The following INSR variants were observed in gnomAD, a reference collection of about 807,000 sequenced individuals.
INSR encodes IR.
In INSR, 67 loss-of-function variants were observed where a neutral mutation model predicts 142.6. That is an observed-to-expected ratio of 0.47 (90% CI 0.39 to 0.58). The LOEUF (loss-of-function observed/expected upper bound fraction) is 0.58. Ranked by LOEUF, INSR falls within the 20% of genes least tolerant of loss-of-function variation. The pLI, the probability that INSR is intolerant of heterozygous loss-of-function variation, is 0.00. For synonymous variants in INSR, 756 were observed against 743.1 expected (o/e 1.02, Z -0.28); for missense variants, 1,248 against 1,833.2 (o/e 0.68, Z 5.83).
rs569781792 is a variant in INSR, at chr19:7,264,903, C to T, written c.652+2442G>A. 2.0e-5 allele frequency among the ~76,000 whole-genome samples: 3 copies of T among 152,360 alleles called. No homozygotes were observed. In the South Asian group the frequency reaches 6.2e-4, roughly 32 times the overall value. On this transcript the variant is annotated intron_variant, in intron 2 of 21. Transcript: ENST00000302850. ...CCATCCAACATGTCCCATGGAAGGA[C>T]TCATGCTGGGGGCTCCAAGGGAGTC...
intron 20 of INSR, among the ~76,000 whole-genome samples, chr19:7,120,381 T>C (rs1972461976): frequency 6.6e-6 from 1 of 152,234 alleles, no homozygotes; most frequent in Admixed American, 6.5e-5. Flanking sequence ...GTCCTCAACC[T>C]TGGCAAAATA....
intron 9 of INSR, among the ~76,000 whole-genome samples, chr19:7,161,379 C>T (rs957737882): frequency 1.3e-5 from 2 of 151,912 alleles, no homozygotes; most frequent in Non-Finnish European, 2.9e-5. Context: ...CCCGCCTGGG[C>T]CTCCCAAGTA....
At chr19:7,133,307 G>A (rs985331052) in intron 13 of INSR, among the ~76,000 whole-genome samples, 2 of 152,060 alleles carry the variant, frequency 1.3e-5, no homozygotes, top group East Asian at 1.9e-4. Flanking sequence ...GTACACGTAT[G>A]GGGTACAGTG....
intron 1 of INSR, among the ~76,000 whole-genome samples, chr19:7,288,056 G>T (rs1202004259): frequency 6.6e-6 from 1 of 152,118 alleles, no homozygotes; most frequent in Admixed American, 6.6e-5. Context: ...GAAGAAGTCG[G>T]AATCTATGTA....
chr19:7,196,020 C>T (rs112169606), intron 2 of INSR, among the ~76,000 whole-genome samples: 21 of 151,842 alleles, frequency 1.4e-4, no homozygotes, highest in African/African-American at 4.1e-4. Flanking sequence ...ACTGCAACCT[C>T]TGCCTCCCAG....
At chr19:7,186,161 C>T (rs1178423023) in intron 2 of INSR, among the ~76,000 whole-genome samples, 1 of 152,124 alleles carries the variant, frequency 6.6e-6, no homozygotes, top group East Asian at 1.9e-4. Context: ...TGCCACTGCA[C>T]TCCAGCCTTG....
At position 7,167,972 on chromosome 19, in the gene INSR, C is replaced by T; in HGVS notation, c.1606G>A (p.Glu536Lys). The change falls in exon 7 of 22, where the codon GAG (glutamate) becomes AAG (lysine). Residue 536 changes from glutamate (E) to lysine (K), a missense_variant. Glu to Lys is a moderately conservative substitution (Grantham distance 56, BLOSUM62 1). Transcript: ENST00000302850. ...CTCTCTAACTCTTCTACTTACGCCT[C>T]TTTGTAGAACAGCATGAACCCCAAG... ...DLLGFMLFYK[E>K]APYQNVTEFD... 3 of 1,614,034 alleles carry T rather than the reference C, an allele frequency of 1.9e-6. No homozygotes were observed. Among genetic ancestry groups the T allele is most frequent in the Non-Finnish European group, 2.5e-6 (3 of 1,179,980 alleles).
intron 8 of INSR, among the ~76,000 whole-genome samples, chr19:7,165,687 G>A (rs1394242452): frequency 4.6e-5 from 7 of 151,724 alleles, no homozygotes; most frequent in South Asian, 2.1e-4. Flanking sequence ...ACACAGCAAC[G>A]TTCTGTCTCT....
chr19:7,215,433 C>T (rs544439165), intron 2 of INSR, among the ~76,000 whole-genome samples: 2 of 152,000 alleles, frequency 1.3e-5, no homozygotes, highest in East Asian at 3.9e-4. Flanking sequence ...ACCCCCTCCA[C>T]CCACTCAGTC....
At chr19:7,184,792 C>T (rs915664870) in intron 2 of INSR, among the ~76,000 whole-genome samples, 155 bp from the exon 3 acceptor site, 1 of 145,372 alleles carries the variant, frequency 6.9e-6, no homozygotes, top group Non-Finnish European at 1.5e-5. Context: ...AAAAGCGGCA[C>T]GTCTACATCA....
chr19:7,277,436 A>G (rs1426423991), intron 1 of INSR, among the ~76,000 whole-genome samples: 1 of 152,120 alleles, frequency 6.6e-6, no homozygotes, highest in Non-Finnish European at 1.5e-5. Flanking sequence ...CAAGTAAAGG[A>G]AAGACGCACC....
chr19:7,243,727 C>G (rs1337951379), intron 2 of INSR, among the ~76,000 whole-genome samples: 3 of 152,130 alleles, frequency 2.0e-5, no homozygotes, highest in Non-Finnish European at 2.9e-5. Context: ...CAATTTCACT[C>G]ATGAACACAG....
At chr19:7,176,620 A>G (rs993018146) in intron 3 of INSR, among the ~76,000 whole-genome samples, 2 of 151,948 alleles carry the variant, frequency 1.3e-5, no homozygotes, top group African/African-American at 4.8e-5. Context: ...AAACAAAACT[A>G]TGTAGCACCT....
chr19:7,277,763 C>T (rs1968103729), intron 1 of INSR, among the ~76,000 whole-genome samples: 1 of 152,048 alleles, frequency 6.6e-6, no homozygotes, highest in Non-Finnish European at 1.5e-5. Flanking sequence ...CACCACTGCA[C>T]TCCAGCCTGG....
chr19:7,153,030 A>ACACCCCC, intron 9 of INSR, 103 bp from the exon 10 acceptor site: 2 of 461,316 alleles, frequency 4.3e-6, no homozygotes, highest in East Asian at 3.5e-5. Context: ...CACACACCAC[A>ACACCCCC]CACACACACA....
chr19:7,170,720 T>C lies in INSR; in HGVS notation c.1300A>G (p.Asn434Asp). The C allele has an allele frequency of 6.2e-7, 1 of 1,614,030 alleles. No individual in the cohort carries two copies. Among genetic ancestry groups the C allele is most frequent in the Non-Finnish European group, 8.5e-7 (1 of 1,179,978 alleles). ...NYSFYALDNQ[N>D]LRQLWDWSKH... ...CTCCAGTCCCAGAGCTGCCTTAGGTTCTGGTTGTCCAAGGCATAGAAGGAG... is the reference window on the plus strand; with the variant it reads ...CTCCAGTCCCAGAGCTGCCTTAGGTCCTGGTTGTCCAAGGCATAGAAGGAG... The change falls in exon 6 of 22, where the codon AAC becomes GAC. Residue 434 changes from asparagine (N) to aspartate (D), a missense_variant. By Grantham distance (23) the Asn-to-Asp change is conservative. Around this residue, in one of 3 missense-constraint regions of INSR, gnomAD observed 1,069 missense variants for 1,654.0 expected, o/e 0.65. Coordinates refer to ENST00000302850, the MANE Select transcript of INSR (RefSeq NM_000208.4).
rs143963451 is a variant in INSR at position 7,274,509 on chromosome 19, T to C, written c.101-6613A>G. 2.2e-4 allele frequency among the ~76,000 whole-genome samples: 34 copies of C among 151,656 alleles called. No individual in the cohort carries two copies. In the East Asian group the frequency reaches 6.0e-3, roughly 27 times the overall value. ...GAGGCTCATTTTTCTTTAAAAATAA[T>C]TGATTTGTCGCCCAGGCGTGGTGGC... On this transcript the variant is annotated intron_variant, in intron 1 of 21. Coordinates refer to ENST00000302850, the MANE Select transcript of INSR (RefSeq NM_000208.4).
intron 6 of INSR, among the ~76,000 whole-genome samples, chr19:7,169,052 G>A (rs540150389): frequency 7.0e-6 from 1 of 142,300 alleles, no homozygotes; most frequent in South Asian, 2.3e-4. Flanking sequence ...TAGCATTCCA[G>A]CCAAAACCTG....
chr19:7,211,451 TC>T (rs1364408431), intron 2 of INSR, among the ~76,000 whole-genome samples: 1 of 152,160 alleles, frequency 6.6e-6, no homozygotes, highest in Non-Finnish European at 1.5e-5. Context: ...AGGATTTCAC[TC>T]CATCCTCTGT....
Sources: allele counts gnomAD v4.1 joint callset (sites outside exome capture counted in the v4.1 genomes callset), GRCh38; gene constraint gnomAD v4.1.1; regional missense constraint gnomAD v4.1.1; transcripts MANE v1.5; gene names NCBI Gene and HGNC (gene_info 2026-07-23, HGNC 2026-07-21).